TJP2: variants seen among roughly 807,000 people sequenced by gnomAD.
The protein encoded by TJP2 is Friedreich ataxia region gene X104 (tight junction protein ZO-2).
In TJP2, 91 loss-of-function variants were observed where a neutral mutation model predicts 133.1. The observed-to-expected ratio is 0.68, with a 90% CI of 0.58 to 0.81. The LOEUF is 0.81. Among genes scored for constraint, TJP2 ranks in the 40% least tolerant of loss-of-function variants. The pLI, the probability that TJP2 is intolerant of heterozygous loss-of-function variation, is 0.00. For synonymous variants in TJP2, 592 were observed against 583.4 expected, an observed-to-expected ratio of 1.01 and a Z score of -0.21; for missense variants, 1,541 against 1,565.6, an observed-to-expected ratio of 0.98 and a Z score of 0.26.
At position 69,230,197 on chromosome 9, in the gene TJP2, C is replaced by G. The variant is rs1421309179; in HGVS notation, c.1636C>G (p.Gln546Glu). The G allele has an allele frequency of 5.0e-6, 8 of 1,614,144 alleles. No homozygotes were observed. Among genetic ancestry groups the G allele is most frequent in the Admixed American group, 1.7e-5 (1 of 60,012 alleles). Residue 546 changes from glutamine to glutamate, a missense_variant, in exon 11 of 23, where the codon CAG becomes GAG. Physicochemically the swap from Gln to Glu is conservative, Grantham distance 29 (BLOSUM62 2). Transcript: ENST00000377245. ...CATTCAAGAAGGGACCTCGGCGGAG[C>G]AGGAGGGCCTTCAAGAAGGAGACCA... ...AGIQEGTSAE[Q>E]EGLQEGDQIL...
chr9:69,160,015 A>AAGGATGATT (rs1477789263), intron 2 of TJP2, among the ~76,000 whole-genome samples: 1 of 151,956 alleles, frequency 6.6e-6, no homozygotes, highest in East Asian at 1.9e-4. Flanking sequence ...TACTTTAGCA[A>AAGGATGATT]CTGAAGGATG....
In TJP2 at chr9:69,124,450, C is replaced by G. The variant is rs1298420757; in HGVS notation, c.-131+2725C>G. On this transcript the variant is annotated intron_variant, in intron 1 of 5. Coordinates refer to the TJP2 transcript ENST00000423935. Reference sequence around the variant, plus strand: ...TAGTCTTGAACTCCTGGCTTTAAGCCATCCTCCCGCCTTGGCCTCCCAAAG... The same window carrying G: ...TAGTCTTGAACTCCTGGCTTTAAGCGATCCTCCCGCCTTGGCCTCCCAAAG... 7.8e-5 allele frequency among the ~76,000 whole-genome samples: 6 copies of G among 76,956 alleles called. 3 individuals are homozygous for G. Among genetic ancestry groups the G allele is most frequent in the African/African-American group, 2.4e-4 (6 of 25,320 alleles). 50.5% of individuals were successfully genotyped at this position (76,956 alleles called of 152,430 possible). A position where few individuals can be genotyped will look rare whatever the true frequency, so the allele number is the denominator to read the frequency against.
chr9:69,246,021 G>A (rs1563956921), intron 17 of TJP2, among the ~76,000 whole-genome samples: 1 of 152,126 alleles, frequency 6.6e-6, no homozygotes, highest in African/African-American at 2.4e-5. Flanking sequence ...ATCTAAACGT[G>A]CAGGGTTTTT....
chr9:69,133,973 C>G (rs1356749875), intron 1 of TJP2, among the ~76,000 whole-genome samples: 4 of 151,902 alleles, frequency 2.6e-5, no homozygotes, highest in Admixed American at 2.6e-4. Flanking sequence ...TCTTTTCTCT[C>G]TTTCTCTTTC....
chr9:69,142,377 T>C (rs1823053241), intron 1 of TJP2, among the ~76,000 whole-genome samples: 1 of 152,230 alleles, frequency 6.6e-6, no homozygotes, highest in Non-Finnish European at 1.5e-5. Context: ...GGTAATTCTT[T>C]TACATCACGT....
At chr9:69,178,886 A>G (rs1244222511) in intron 1 of TJP2, among the ~76,000 whole-genome samples, 1 of 152,216 alleles carries the variant, frequency 6.6e-6, no homozygotes, top group Non-Finnish European at 1.5e-5. Flanking sequence ...TTGCCGAAGA[A>G]TGTGGACAGC....
chr9:69,139,141 C>G (rs1312328902), intron 1 of TJP2, among the ~76,000 whole-genome samples: 1 of 148,526 alleles, frequency 6.7e-6, no homozygotes, highest in African/African-American at 2.5e-5. Context: ...CGCTTGAACC[C>G]TGGAGGCGGA....
At chr9:69,172,706 ATATTT>A (rs1824753207), upstream of TJP2, among the ~76,000 whole-genome samples, 1 of 152,142 alleles carries the variant, frequency 6.6e-6, no homozygotes, top group African/African-American at 2.4e-5. Context: ...AATTTGGGAA[ATATTT>A]TATTTTTTTT....
rs766808650 is a variant in TJP2 at position 69,225,372 on chromosome 9, G to C, written c.1021G>C (p.Asp341His). ...EMTRTGLATK[D>H]GNLHEGDIIL... ...GACCCGAACGGGTCTGGCAACTAAA[G>C]ATGGCAACCTTCACGAAGGAGACAT... Residue 341 changes from aspartate (D) to histidine (H), a missense_variant, in exon 6 of 23, where the codon GAT becomes CAT. By Grantham distance (81) the Asp-to-His change is moderately conservative. Coordinates refer to ENST00000377245, the MANE Select transcript of TJP2 (RefSeq NM_004817.4). The C allele has an allele frequency of 3.1e-6, 5 of 1,613,782 alleles. No homozygotes were observed. In the East Asian group the frequency reaches 1.1e-4, roughly 36 times the overall value.
chr9:69,145,208 G>T (rs1446195480), intron 1 of TJP2, among the ~76,000 whole-genome samples: 4 of 152,180 alleles, frequency 2.6e-5, no homozygotes, highest in Non-Finnish European at 5.9e-5. Flanking sequence ...ATGACAACTA[G>T]AATTCCTTCC....
chr9:69,239,311 CA>C (rs1424342482), intron 16 of TJP2, among the ~76,000 whole-genome samples: 3 of 150,346 alleles, frequency 2.0e-5, no homozygotes, highest in Non-Finnish European at 3.0e-5. Context: ...AACTCCATCT[CA>C]AAAAAATATA....
In TJP2 at chr9:69,248,219, G is replaced by A. The variant is rs751548321; in HGVS notation, c.2875G>A (p.Glu959Lys). Residue 959 changes from glutamate to lysine, a missense_variant, in exon 19 of 23, where the codon GAG becomes AAG. Physicochemically the swap from Glu to Lys is moderately conservative, Grantham distance 56. Coordinates refer to ENST00000377245, the MANE Select transcript of TJP2 (RefSeq NM_004817.4). The stretch of plus-strand genomic sequence containing the variant: ...CCGCTCCTCGGAGCCGGTGCAGCAC[G>A]AGGAGGTGAGGCGAGGCAGGCCACG... The part of the protein sequence containing the change: ...ITRSSEPVQH[E>K]ESIRKPSPEP... 2 of 1,595,590 alleles carry A rather than the reference G, an allele frequency of 1.3e-6. No individual in the cohort carries two copies. The highest frequency in any genetic ancestry group is 1.8e-5 in the Admixed American group (1 of 56,572).
chr9:69,245,844 T>C (rs892624453), intron 17 of TJP2, among the ~76,000 whole-genome samples: 4 of 152,236 alleles, frequency 2.6e-5, no homozygotes, highest in African/African-American at 9.6e-5. Context: ...AAAATGTATA[T>C]TCTTTGAATA....
chr9:69,252,282 A>T (rs1297137386), intron 21 of TJP2, among the ~76,000 whole-genome samples: 4 of 152,194 alleles, frequency 2.6e-5, no homozygotes, highest in Admixed American at 2.6e-4. Flanking sequence ...ATCATGAGTC[A>T]CTGCACCCAG....
intron 1 of TJP2, among the ~76,000 whole-genome samples, chr9:69,180,619 C>T (rs939608230): frequency 9.2e-5 from 14 of 152,150 alleles, no homozygotes; most frequent in African/African-American, 3.4e-4. Context: ...ATGTAGGCTT[C>T]GAGAGACAAT....
At chr9:69,196,940 TGTGTGTACACACACACACAC>T (rs201208785) in intron 1 of TJP2, among the ~76,000 whole-genome samples, 1 of 70,544 alleles carries the variant, frequency 1.4e-5, no homozygotes, top group Non-Finnish European at 3.0e-5. Flanking sequence ...TGTGTGTGTG[TGTGTGTACACACACACACAC>T]ACACACACAC....
chr9:69,243,740 A>G (rs1003483479), intron 17 of TJP2, among the ~76,000 whole-genome samples: 1 of 152,208 alleles, frequency 6.6e-6, no homozygotes, highest in African/African-American at 2.4e-5. Context: ...TTGACCACAG[A>G]AAAGAGAAGG....
intron 5 of TJP2, among the ~76,000 whole-genome samples, chr9:69,223,151 T>G (rs1221835493): frequency 6.6e-6 from 1 of 151,356 alleles, no homozygotes; most frequent in East Asian, 2.0e-4. Context: ...GTGGCCTTGC[T>G]GCATCTCAAG....
intron 11 of TJP2, among the ~76,000 whole-genome samples, chr9:69,232,900 A>T (rs978929287): frequency 2.0e-5 from 3 of 152,120 alleles, no homozygotes; most frequent in Admixed American, 2.0e-4. Context: ...ACTGTGATCG[A>T]GACTGATCTA....
Sources: gnomAD v4.1 joint callset for allele counts (sites outside exome capture counted in the v4.1 genomes callset) on GRCh38, gnomAD v4.1.1 for gene constraint, MANE v1.5 for transcripts, NCBI Gene and HGNC (gene_info 2026-07-23, HGNC 2026-07-21) for gene names.